ARHGAP6: variants seen among roughly 807,000 people sequenced by gnomAD.
ARHGAP6 encodes the protein Rho GTPase activating protein 6.
Under a neutral mutation model 55.7 loss-of-function variants are expected in ARHGAP6, and 16 were observed. The observed-to-expected ratio is 0.29, with a 90% CI of 0.19 to 0.44. The LOEUF (loss-of-function observed/expected upper bound fraction) is 0.44. Among genes scored for constraint, ARHGAP6 ranks in the 20% least tolerant of loss-of-function variants. The pLI is 1.00. For synonymous variants in ARHGAP6, 382 were observed against 360.9 expected (o/e 1.06, Z -0.66); for missense variants, 698 against 808.9 (o/e 0.86, Z 1.66).
At chrX:11,270,953 G>T (rs1275642344) in intron 1 of ARHGAP6, among the ~76,000 whole-genome samples, 1 of 111,753 alleles carries the variant, frequency 8.9e-6, no homozygotes, top group Non-Finnish European at 1.9e-5. Context: ...TGATTCTTAT[G>T]GAGAAATCTG....
intron 1 of ARHGAP6, among the ~76,000 whole-genome samples, chrX:11,591,150 C>A (rs770913195): frequency 9.2e-6 from 1 of 108,147 alleles, no homozygotes; most frequent in African/African-American, 3.4e-5. Context: ...CGAGATCGCA[C>A]CACTGCACTC....
chrX:11,237,625 TGAGAA>T (rs2047220368), intron 2 of ARHGAP6, among the ~76,000 whole-genome samples: 1 of 111,789 alleles, frequency 8.9e-6, no homozygotes, highest in Admixed American at 9.5e-5. Context: ...AAAATCCTGC[TGAGAA>T]AAGACTGAAG....
At chrX:11,604,326 A>G (rs932383016) in intron 1 of ARHGAP6, among the ~76,000 whole-genome samples, 1 of 111,638 alleles carries the variant, frequency 9.0e-6, no homozygotes, top group Non-Finnish European at 1.9e-5. Context: ...GGCCCAGATC[A>G]AGGGCCCCAA....
At chrX:11,418,938 C>G (rs1014390169) in intron 1 of ARHGAP6, among the ~76,000 whole-genome samples, 6 of 112,158 alleles carry the variant, frequency 5.3e-5, no homozygotes, top group South Asian at 3.8e-4. Flanking sequence ...CACCGACCCC[C>G]CCTCCCGCCA....
In ARHGAP6 at chrX:11,361,817, G is replaced by A. The variant is rs770682440; in HGVS notation, c.589-107110C>T. Among the ~76,000 whole-genome samples the A allele has an allele frequency of 4.4e-4, 48 of 108,067 alleles. No homozygotes were observed. The South Asian group carries it at 0.015, about 33-fold the overall frequency. 93.8% of individuals were successfully genotyped at this position (108,067 alleles called of 115,157 possible). ...ACAAACAAATTTACAAGAAAAAAACGACCAACCCCATCAAAAAGTGGGCGA... is the reference window on the plus strand; with the variant it reads ...ACAAACAAATTTACAAGAAAAAAACAACCAACCCCATCAAAAAGTGGGCGA... On this transcript the variant is annotated intron_variant, in intron 1 of 12. Coordinates refer to ENST00000337414, the MANE Select transcript of ARHGAP6 (RefSeq NM_013427.3).
chrX:11,260,533 T>C (rs965760754), intron 1 of ARHGAP6, among the ~76,000 whole-genome samples: 6 of 111,659 alleles, frequency 5.4e-5, no homozygotes, highest in African/African-American at 2.0e-4. Context: ...AATAGAATTA[T>C]AGAAAATTAC....
At chrX:11,350,344 T>C (rs1038188875) in intron 1 of ARHGAP6, among the ~76,000 whole-genome samples, 5 of 112,203 alleles carry the variant, frequency 4.5e-5, no homozygotes, top group Non-Finnish European at 7.5e-5. Flanking sequence ...CCCTAAAATA[T>C]AATTTTCCCT....
Position 11,664,838 on chromosome X carries a change from G to C in ARHGAP6, c.-10C>G. On this transcript the variant is annotated 5_prime_UTR_variant, in exon 1 of 13. Coordinates refer to ENST00000337414, the MANE Select transcript of ARHGAP6 (RefSeq NM_013427.3). ...GGCTCTGCGCGGACATCTCGGCGGGGCTGCACCTGAGGACCACCTCCTCCT... is the reference window on the plus strand; with the variant it reads ...GGCTCTGCGCGGACATCTCGGCGGGCCTGCACCTGAGGACCACCTCCTCCT... The C allele has an allele frequency of 1.7e-6, 2 of 1,168,840 alleles. No homozygotes were observed. Among genetic ancestry groups the C allele is most frequent in the Non-Finnish European group, 2.3e-6 (2 of 874,112 alleles).
intron 1 of ARHGAP6, among the ~76,000 whole-genome samples, chrX:11,437,127 T>C (rs1569343803): frequency 9.0e-6 from 1 of 111,114 alleles, no homozygotes. Flanking sequence ...ACTGACTTTA[T>C]AACAAATCTA....
chrX:11,240,656 G>A (rs1469810198), intron 2 of ARHGAP6, among the ~76,000 whole-genome samples: 2 of 111,434 alleles, frequency 1.8e-5, no homozygotes, highest in East Asian at 5.6e-4. Flanking sequence ...GTGAGATTCT[G>A]AGCTAGGTGC....
chrX:11,420,341 C>T (rs1310965883), intron 1 of ARHGAP6, among the ~76,000 whole-genome samples: 1 of 111,440 alleles, frequency 9.0e-6, no homozygotes, highest in Non-Finnish European at 1.9e-5. Context: ...AATGAGAAAA[C>T]CTGAGAACAG....
intron 10 of ARHGAP6, among the ~76,000 whole-genome samples, chrX:11,144,759 T>A (rs2045666891): frequency 8.9e-6 from 1 of 112,492 alleles, no homozygotes; most frequent in Admixed American, 9.4e-5. Flanking sequence ...TTACTGTACT[T>A]AGTGTAAATA....
intron 1 of ARHGAP6, among the ~76,000 whole-genome samples, chrX:11,584,474 G>A (rs754507457): frequency 6.3e-5 from 7 of 111,438 alleles, no homozygotes; most frequent in Non-Finnish European, 1.3e-4. Flanking sequence ...CAGCTTCAGA[G>A]CCCAAAGCAT....
intron 10 of ARHGAP6, among the ~76,000 whole-genome samples, chrX:11,146,046 G>C (rs970776283): frequency 2.7e-5 from 3 of 112,306 alleles, no homozygotes; most frequent in Non-Finnish European, 3.8e-5. Flanking sequence ...CTGCAGCATT[G>C]GCTGCCCTGG....
chrX:11,427,273 G>A (rs1346473096), intron 1 of ARHGAP6, among the ~76,000 whole-genome samples: 1 of 112,334 alleles, frequency 8.9e-6, no homozygotes, highest in Non-Finnish European at 1.9e-5. Flanking sequence ...CGAGGTGGTG[G>A]CGGAGTCCAG....
At chrX:11,654,167 C>T (rs962922657) in intron 1 of ARHGAP6, among the ~76,000 whole-genome samples, 2 of 111,409 alleles carry the variant, frequency 1.8e-5, no homozygotes, top group Non-Finnish European at 3.8e-5. Context: ...CTATTGTTGC[C>T]TAAGGCTTCT....
chrX:11,432,120 A>C (rs769444089), intron 1 of ARHGAP6, among the ~76,000 whole-genome samples: 2 of 112,453 alleles, frequency 1.8e-5, no homozygotes, highest in Non-Finnish European at 3.8e-5. Flanking sequence ...GTTGAAATCC[A>C]CTGCCTTTTA....
chrX:11,463,269 GA>G, intron 1 of ARHGAP6, among the ~76,000 whole-genome samples: 1 of 111,781 alleles, frequency 8.9e-6, no homozygotes, highest in East Asian at 2.8e-4. Flanking sequence ...AGGATGGAGG[GA>G]AAAATGGGAG....
chrX:11,205,357 C>G, intron 2 of ARHGAP6, among the ~76,000 whole-genome samples: 1 of 111,536 alleles, frequency 9.0e-6, no homozygotes, highest in East Asian at 2.8e-4. Flanking sequence ...GTAGCCTGCC[C>G]CCTTCTCCAG....
Sources: allele counts gnomAD v4.1 joint callset (sites outside exome capture counted in the v4.1 genomes callset), GRCh38; gene constraint gnomAD v4.1.1; transcripts MANE v1.5; gene names NCBI Gene and HGNC (gene_info 2026-07-23, HGNC 2026-07-21).